The following LRRC69 variants were observed in gnomAD, a reference collection of about 807,000 sequenced individuals.
LRRC69 encodes the protein leucine rich repeat containing 69, also known as leucine-rich repeat-containing protein 69.
LRRC69 carries 42 observed loss-of-function variants against 37.8 expected under a neutral mutation model. The ratio of observed to expected loss-of-function variants is 1.11; its 90% confidence interval spans 0.87 to 1.44. LRRC69 has a LOEUF of 1.44. LRRC69 is among the 40% of genes most tolerant of loss of function. LRRC69 has a pLI of 0.00. For missense variants in LRRC69, 357 were observed against 401.9 expected, an observed-to-expected ratio of 0.89 and a Z score of 0.96; for synonymous variants, 141 against 143.1, an observed-to-expected ratio of 0.99 and a Z score of 0.11.
intron 6 of LRRC69, among the ~76,000 whole-genome samples, chr8:91,195,712 T>A (rs1049643967): frequency 1.3e-5 from 2 of 152,226 alleles, no homozygotes; most frequent in African/African-American, 4.8e-5. Flanking sequence ...TCTTCCTGCA[T>A]CCTTTTATTT....
intron 7 of LRRC69, chr8:91,206,817 A>G (rs1809813771): frequency 1.6e-6 from 2 of 1,288,954 alleles, no homozygotes; most frequent in South Asian, 2.5e-5. Flanking sequence ...CCATGACACC[A>G]GTAAGAAATC....
At chr8:91,102,894 A>AG (rs1183035603) in intron 1 of LRRC69, 50 bp downstream of exon 1, 1 of 1,478,722 alleles carries the variant, frequency 6.8e-7, no homozygotes, top group Non-Finnish European at 9.0e-7. Flanking sequence ...GATGGAAAAC[A>AG]GGAAGAGAGA....
intron 1 of LRRC69, among the ~76,000 whole-genome samples, chr8:91,103,434 C>T (rs1813256065): frequency 6.6e-6 from 1 of 151,930 alleles, no homozygotes; most frequent in Non-Finnish European, 1.5e-5. Flanking sequence ...GAATAGTTGA[C>T]ATGAATGAAT....
At chr8:91,186,485 G>A (rs1809410019) in intron 5 of LRRC69, among the ~76,000 whole-genome samples, 1 of 152,092 alleles carries the variant, frequency 6.6e-6, no homozygotes, top group Admixed American at 6.6e-5. Context: ...GGCCTGTCAT[G>A]AGATCTCTAA....
At chr8:91,142,892 A>G (rs535872094) in intron 5 of LRRC69, among the ~76,000 whole-genome samples, 1 of 152,148 alleles carries the variant, frequency 6.6e-6, no homozygotes, top group South Asian at 2.1e-4. Context: ...GGTTCTGAGA[A>G]TTTCACTGTG....
At chr8:91,218,163 C>T (rs1810088719) in intron 7 of LRRC69, among the ~76,000 whole-genome samples, 1 of 152,132 alleles carries the variant, frequency 6.6e-6, no homozygotes, top group Admixed American at 6.6e-5. Flanking sequence ...GCGTTATCAA[C>T]CAATTAAATA....
At chr8:91,188,744 T>G (rs1301950687) in intron 5 of LRRC69, among the ~76,000 whole-genome samples, 1 of 152,180 alleles carries the variant, frequency 6.6e-6, no homozygotes, top group Non-Finnish European at 1.5e-5. Flanking sequence ...TAATCTTTTC[T>G]TTTTCTACTG....
chr8:91,191,047 C>T (rs921448980), intron 6 of LRRC69, among the ~76,000 whole-genome samples: 11 of 143,754 alleles, frequency 7.7e-5, no homozygotes, highest in African/African-American at 1.3e-4. Context: ...TCAAACCCCC[C>T]CCCCCCCAAG....
At chr8:91,217,757 C>T (rs1397941361) in intron 7 of LRRC69, among the ~76,000 whole-genome samples, 5 of 152,186 alleles carry the variant, frequency 3.3e-5, no homozygotes, top group African/African-American at 9.6e-5. Flanking sequence ...AAAACCAAGA[C>T]GTCCACTGAG....
At chr8:91,129,977 C>T (rs955327066) in intron 3 of LRRC69, among the ~76,000 whole-genome samples, 3 of 151,814 alleles carry the variant, frequency 2.0e-5, no homozygotes, top group Non-Finnish European at 2.9e-5. Flanking sequence ...TAAAACTATT[C>T]AATGCATTTT....
exon 8 of LRRC69, chr8:91,218,892 C>T (rs1345230627): frequency 6.5e-7 from 1 of 1,538,954 alleles, no homozygotes; most frequent in Non-Finnish European, 8.8e-7. Context: ...CTTTTTAGGA[C>T]TGGAAGATAA....
chr8:91,112,436 A>G (rs1813424569), intron 1 of LRRC69, among the ~76,000 whole-genome samples: 1 of 152,030 alleles, frequency 6.6e-6, no homozygotes, highest in Non-Finnish European at 1.5e-5. Flanking sequence ...ACCCCAATAT[A>G]TGCAAATCAA....
chr8:91,141,229 A>G (rs1273586608), intron 5 of LRRC69, among the ~76,000 whole-genome samples: 1 of 152,068 alleles, frequency 6.6e-6, no homozygotes, highest in African/African-American at 2.4e-5. Context: ...TTGTTTTATT[A>G]GTTTCCTGAG....
intron 5 of LRRC69, among the ~76,000 whole-genome samples, chr8:91,139,841 C>T (rs974402616): frequency 1.3e-5 from 2 of 151,480 alleles, no homozygotes; most frequent in African/African-American, 4.8e-5. Context: ...GTAATCCTAG[C>T]ACTTTGAGAG....
intron 5 of LRRC69, among the ~76,000 whole-genome samples, chr8:91,140,126 A>G (rs1808507475): frequency 6.7e-6 from 1 of 150,300 alleles, no homozygotes; most frequent in African/African-American, 2.4e-5. Context: ...CTATCCAAGT[A>G]TTCTCCATAA....
intron 5 of LRRC69, among the ~76,000 whole-genome samples, chr8:91,183,627 A>C (rs1048667885): frequency 6.6e-5 from 10 of 151,040 alleles, no homozygotes; most frequent in Admixed American, 6.6e-4. Flanking sequence ...AAAAAAAAAG[A>C]AGAAGATAAA....
At chr8:91,194,075 T>A (rs1183139695) in intron 6 of LRRC69, among the ~76,000 whole-genome samples, 2 of 61,482 alleles carry the variant, frequency 3.3e-5, no homozygotes, top group African/African-American at 7.3e-5. Flanking sequence ...TTGAATTTTG[T>A]CAAAGGCCTT....
intron 1 of LRRC69, among the ~76,000 whole-genome samples, chr8:91,120,278 A>G (rs1331944476): frequency 1.3e-5 from 2 of 152,086 alleles, no homozygotes; most frequent in Non-Finnish European, 2.9e-5. Flanking sequence ...GATATGTCCC[A>G]AATTTTCCTT....
chr8:91,193,447 CATTTTCACG>C (rs1307942731), intron 6 of LRRC69, among the ~76,000 whole-genome samples: 26 of 136,890 alleles, frequency 1.9e-4, no homozygotes, highest in Non-Finnish European at 4.1e-4. Context: ...GTAGTATGGC[CATTTTCACG>C]ATATTGATTC....
Sources: allele counts gnomAD v4.1 joint callset (sites outside exome capture counted in the v4.1 genomes callset), GRCh38; gene constraint gnomAD v4.1.1; transcripts MANE v1.5; gene names NCBI Gene and HGNC (gene_info 2026-07-23, HGNC 2026-07-21).